The following DENND1A variants were observed in gnomAD, a reference collection of about 807,000 sequenced individuals.
DENND1A encodes DENN domain containing 1A, also known as DENN domain-containing protein 1A.
In DENND1A, 51 loss-of-function variants were observed where a neutral mutation model predicts 113.7. The ratio of observed to expected loss-of-function variants is 0.45; its 90% confidence interval spans 0.36 to 0.57. The LOEUF (loss-of-function observed/expected upper bound fraction) is 0.57, where lower values mean the gene tolerates loss of function less well. Ranked by LOEUF, DENND1A falls within the 20% of genes least tolerant of loss-of-function variation. DENND1A has a pLI of 0.00. For missense variants in DENND1A, 1,258 were observed against 1,395.9 expected, an observed-to-expected ratio of 0.90 and a Z score of 1.57; for synonymous variants, 565 against 570.8, an observed-to-expected ratio of 0.99 and a Z score of 0.14.
chr9:123,922,841 A>T (rs1856499419), intron 1 of DENND1A, among the ~76,000 whole-genome samples: 1 of 152,208 alleles, frequency 6.6e-6, no homozygotes, highest in Non-Finnish European at 1.5e-5. Flanking sequence ...GAACTTTTGG[A>T]ATGTCACCTC....
At chr9:123,828,482 G>A (rs1485028363) in intron 2 of DENND1A, among the ~76,000 whole-genome samples, 1 of 151,898 alleles carries the variant, frequency 6.6e-6, no homozygotes, top group Admixed American at 6.6e-5. Flanking sequence ...AATAAGTAAT[G>A]TTAAGAAATA....
At chr9:123,484,756 T>G (rs1173063544) in intron 13 of DENND1A, among the ~76,000 whole-genome samples, 3 of 152,208 alleles carry the variant, frequency 2.0e-5, no homozygotes. Flanking sequence ...AACCTCACCG[T>G]GTCCTGCAGT....
chr9:123,668,520 T>C (rs1433750975), intron 7 of DENND1A, among the ~76,000 whole-genome samples: 1 of 152,162 alleles, frequency 6.6e-6, no homozygotes, highest in East Asian at 1.9e-4. Context: ...ATGGGTAAAT[T>C]AATGCTCACA....
intron 5 of DENND1A, among the ~76,000 whole-genome samples, chr9:123,740,928 G>GAA (rs2068967280): frequency 6.6e-6 from 1 of 150,442 alleles, no homozygotes; most frequent in African/African-American, 2.4e-5. Flanking sequence ...GAGAGAGAGA[G>GAA]AGAGAGAGAG....
intron 18 of DENND1A, 84 bp downstream of exon 18, chr9:123,450,609 C>G (rs928377968): frequency 9.1e-7 from 1 of 1,093,920 alleles, no homozygotes; most frequent in East Asian, 2.4e-5. Flanking sequence ...TATCAAACAG[C>G]CCTCTATTGA....
At chr9:123,757,047 C>T (rs77467274) in intron 5 of DENND1A, among the ~76,000 whole-genome samples, 1 of 152,178 alleles carries the variant, frequency 6.6e-6, no homozygotes, top group Non-Finnish European at 1.5e-5. Context: ...CAGCAGGAGT[C>T]CACAGAGCCA....
intron 1 of DENND1A, among the ~76,000 whole-genome samples, chr9:123,896,225 T>C (rs1412333601): frequency 6.6e-6 from 1 of 152,048 alleles, no homozygotes; most frequent in Non-Finnish European, 1.5e-5. Flanking sequence ...GGCAGGATGT[T>C]AGCTTGAGCC....
intron 19 of DENND1A, among the ~76,000 whole-genome samples, chr9:123,429,653 G>T (rs2045991585): frequency 6.6e-6 from 1 of 152,138 alleles, no homozygotes; most frequent in Non-Finnish European, 1.5e-5. Flanking sequence ...GCAGAAAATT[G>T]AAAGTAGACC....
chr9:123,500,099 C>T (rs1009822279), intron 13 of DENND1A, among the ~76,000 whole-genome samples: 1 of 152,292 alleles, frequency 6.6e-6, no homozygotes, highest in South Asian at 2.1e-4. Flanking sequence ...ATGATCTGTG[C>T]AACAAACTTT....
intron 4 of DENND1A, among the ~76,000 whole-genome samples, chr9:123,767,662 A>G (rs202157530): frequency 4.6e-5 from 7 of 152,288 alleles, no homozygotes; most frequent in African/African-American, 1.4e-4. Flanking sequence ...GTATGTGTGT[A>G]TGCACACACA....
chr9:123,422,483 GAT>G lies in DENND1A; in HGVS notation c.1489-10656_1489-10655del, dbSNP rs576224064. ...TTCCCTAGTGTGTCTGTTAAAGAAA[GAT>G]AGTCAGGTTCACCAGACAGAAGGTT... On this transcript the variant is annotated intron_variant, in intron 19 of 23. Transcript: ENST00000394215. The surrounding 1 kb of genome is among the most constrained non-coding windows in gnomAD (Gnocchi z 4.8). Among the ~76,000 whole-genome samples the G allele has an allele frequency of 1.4e-4, 21 of 151,592 alleles. No individual in the cohort carries two copies. In the East Asian group the frequency reaches 4.1e-3, roughly 29 times the overall value.
chr9:123,898,165 T>G (rs1262531520), intron 1 of DENND1A, among the ~76,000 whole-genome samples: 1 of 152,122 alleles, frequency 6.6e-6, no homozygotes, highest in Non-Finnish European at 1.5e-5. Context: ...TAGTTTTAAT[T>G]TGCATTTTCC....
chr9:123,810,788 C>T (rs1363644755), intron 2 of DENND1A, among the ~76,000 whole-genome samples: 4 of 147,170 alleles, frequency 2.7e-5, no homozygotes, highest in Admixed American at 6.8e-5. Flanking sequence ...GATGAAGTCT[C>T]GCTCTTGTCA....
chr9:123,763,077 A>ATTTTTT (rs34020642), intron 4 of DENND1A, among the ~76,000 whole-genome samples: 1 of 144,370 alleles, frequency 6.9e-6, no homozygotes. Flanking sequence ...AAGAATTCAG[A>ATTTTTT]TTTTTTTTTT....
intron 1 of DENND1A, among the ~76,000 whole-genome samples, chr9:123,928,374 G>T (rs1234123775): frequency 2.0e-5 from 3 of 152,214 alleles, no homozygotes; most frequent in Non-Finnish European, 2.9e-5. Context: ...TTGGCTTCTG[G>T]AAAGTGTTTC....
At chr9:123,790,298 A>G (rs1832808783) in intron 3 of DENND1A, among the ~76,000 whole-genome samples, 1 of 152,174 alleles carries the variant, frequency 6.6e-6, no homozygotes, top group East Asian at 1.9e-4. Context: ...CAGTAGATAC[A>G]ACTCTCAAAC....
At chr9:123,806,317 G>A (rs550594477) in intron 2 of DENND1A, among the ~76,000 whole-genome samples, 2 of 151,700 alleles carry the variant, frequency 1.3e-5, no homozygotes, top group East Asian at 1.9e-4. Context: ...GTGCAGTGGC[G>A]TGATCTTGGC....
chr9:123,667,668 A>G (rs1020959295), intron 7 of DENND1A, among the ~76,000 whole-genome samples: 1 of 152,190 alleles, frequency 6.6e-6, no homozygotes, highest in Non-Finnish European at 1.5e-5. Context: ...AACACATGAA[A>G]AAGGCGTTGG....
At chr9:123,584,139 C>T (rs561294389) in intron 11 of DENND1A, among the ~76,000 whole-genome samples, 4 of 152,226 alleles carry the variant, frequency 2.6e-5, no homozygotes, top group African/African-American at 9.6e-5. Flanking sequence ...TTCCCCATCA[C>T]GTATCAAGCG....
Sources: allele counts gnomAD v4.1 joint callset (sites outside exome capture counted in the v4.1 genomes callset), GRCh38; gene constraint gnomAD v4.1.1; non-coding constraint Gnocchi (gnomAD v3.1); transcripts MANE v1.5; gene names NCBI Gene and HGNC (gene_info 2026-07-23, HGNC 2026-07-21).